The following LRRC20 variants were observed in gnomAD, a reference collection of about 807,000 sequenced individuals.
LRRC20 encodes leucine-rich repeat-containing protein 20.
A neutral mutation model predicts 14.4 loss-of-function variants in LRRC20; 11 were observed. The observed-to-expected ratio is 0.77, with a 90% CI of 0.48 to 1.27. The LOEUF is 1.27. LRRC20 is among the 50% of genes most tolerant of loss of function. The probability of loss-of-function intolerance (pLI) is 0.00; values close to 1 mark genes in which losing one functional copy is unlikely to be tolerated. For synonymous variants in LRRC20, 121 were observed against 107.3 expected (o/e 1.13, Z -0.79); for missense variants, 219 against 251.2 (o/e 0.87, Z 0.87).
intron 2 of LRRC20, among the ~76,000 whole-genome samples, chr10:70,359,684 C>G (rs1204996483): frequency 6.6e-6 from 1 of 152,224 alleles, no homozygotes; most frequent in Non-Finnish European, 1.5e-5. Context: ...TCTGGCCAAG[C>G]CAGGCTGCTT....
intron 4 of LRRC20, among the ~76,000 whole-genome samples, chr10:70,322,199 C>G (rs560286611): frequency 1.3e-5 from 2 of 152,184 alleles, no homozygotes; most frequent in Non-Finnish European, 2.9e-5. Flanking sequence ...GATGAGAGGG[C>G]GCTGAGATTC....
chr10:70,375,338 C>T (rs192256390), intron 2 of LRRC20, among the ~76,000 whole-genome samples: 49 of 152,262 alleles, frequency 3.2e-4, no homozygotes, highest in African/African-American at 1.1e-3. Context: ...ACCACAGGGT[C>T]CCTGTGCTCT....
intron 2 of LRRC20, among the ~76,000 whole-genome samples, chr10:70,346,662 TA>T (rs1267234897): frequency 2.0e-5 from 3 of 152,146 alleles, no homozygotes; most frequent in African/African-American, 7.2e-5. Context: ...CAACTAGGTA[TA>T]AAAGGATACA....
chr10:70,309,805 T>TG (rs35512351), intron 4 of LRRC20, among the ~76,000 whole-genome samples: 56 of 152,306 alleles, frequency 3.7e-4, no homozygotes, highest in Non-Finnish European at 5.0e-4. Context: ...CTTCTGAGGA[T>TG]GGGGGGGTCC....
chr10:70,362,526 G>A (rs1843774494), intron 2 of LRRC20, among the ~76,000 whole-genome samples: 3 of 152,214 alleles, frequency 2.0e-5, no homozygotes, highest in African/African-American at 7.2e-5. Context: ...GATGAGAACT[G>A]GGCCCTGCAA....
At chr10:70,308,351 G>C (rs1234560600) in intron 4 of LRRC20, among the ~76,000 whole-genome samples, 5 of 152,162 alleles carry the variant, frequency 3.3e-5, no homozygotes, top group Non-Finnish European at 7.4e-5. Context: ...CTGACACCGA[G>C]ACGGAGAAGA....
At chr10:70,350,083 T>C (rs1843241575) in intron 2 of LRRC20, among the ~76,000 whole-genome samples, 1 of 152,236 alleles carries the variant, frequency 6.6e-6, no homozygotes, top group African/African-American at 2.4e-5. Flanking sequence ...CCATGCTGCA[T>C]GAATGCTCAG....
chr10:70,376,103 A>C (rs1413807059), intron 2 of LRRC20, among the ~76,000 whole-genome samples: 1 of 152,134 alleles, frequency 6.6e-6, no homozygotes, highest in Non-Finnish European at 1.5e-5. Flanking sequence ...AGATTCAACA[A>C]GATAACATTC....
chr10:70,301,211 G>A lies in LRRC20; in HGVS notation c.*143C>T, dbSNP rs1480753284. ...ACTACTGCTGTAAGCTATCTATCCA[G>A]ACCAGCTGCACCCCACCCACCACGT... On this transcript the variant is annotated 3_prime_UTR_variant, in exon 5 of 5. Coordinates refer to ENST00000446961, the MANE Select transcript of LRRC20 (RefSeq NM_001278212.2). 3.5e-6 allele frequency: 5 copies of A among 1,438,334 alleles called. No individual in the cohort carries two copies. Among genetic ancestry groups the A allele is most frequent in the Admixed American group, 2.8e-5 (1 of 36,178 alleles). The allele number at this position is 1,438,334 out of a possible 1,614,324, so 89.1% of individuals were successfully genotyped here. A position where few individuals can be genotyped will look rare whatever the true frequency, so the allele number is the denominator to read the frequency against.
At chr10:70,348,138 T>A (rs1843149058) in intron 2 of LRRC20, among the ~76,000 whole-genome samples, 1 of 151,970 alleles carries the variant, frequency 6.6e-6, no homozygotes, top group South Asian at 2.1e-4. Flanking sequence ...ATGAGAGGGG[T>A]GCACCACCAA....
intron 4 of LRRC20, among the ~76,000 whole-genome samples, chr10:70,323,287 G>A (rs1322270102): frequency 6.6e-6 from 1 of 152,120 alleles, no homozygotes; most frequent in East Asian, 1.9e-4. Context: ...AGGAAGGAGA[G>A]ACCGCTTCCT....
At chr10:70,343,654 C>G (rs565154521) in intron 2 of LRRC20, among the ~76,000 whole-genome samples, 8 of 152,308 alleles carry the variant, frequency 5.3e-5, no homozygotes, top group Non-Finnish European at 1.2e-4. Context: ...TTTGGGGCAA[C>G]CTGGGGATTC....
At chr10:70,359,377 T>G (rs541228261) in intron 2 of LRRC20, among the ~76,000 whole-genome samples, 78 of 152,236 alleles carry the variant, frequency 5.1e-4, no homozygotes, top group Non-Finnish European at 4.4e-5. Context: ...GACAACATAG[T>G]GAGACTCCGT....
At chr10:70,303,121 A>G (rs1350954369) in intron 4 of LRRC20, among the ~76,000 whole-genome samples, 1 of 152,262 alleles carries the variant, frequency 6.6e-6, no homozygotes. Flanking sequence ...TGCATATATT[A>G]AATGGGTGAA....
chr10:70,335,387 C>T (rs1842693891), intron 3 of LRRC20, among the ~76,000 whole-genome samples: 1 of 152,186 alleles, frequency 6.6e-6, no homozygotes. Context: ...CCTCCCAGTC[C>T]GCCCGCCCGC....
chr10:70,367,359 GA>G (rs1844054500), intron 2 of LRRC20, among the ~76,000 whole-genome samples: 3 of 145,236 alleles, frequency 2.1e-5, no homozygotes, highest in Admixed American at 6.9e-5. Flanking sequence ...AAAAGAAAAA[GA>G]AAAAGAAAAA....
chr10:70,310,478 C>T (rs896554076), intron 4 of LRRC20, among the ~76,000 whole-genome samples: 4 of 152,282 alleles, frequency 2.6e-5, no homozygotes, highest in South Asian at 2.1e-4. Context: ...AGCTCAAGGG[C>T]GGCTTCCTTT....
chr10:70,358,118 C>A (rs1843598398), intron 2 of LRRC20, among the ~76,000 whole-genome samples: 1 of 152,336 alleles, frequency 6.6e-6, no homozygotes, highest in Middle Eastern at 3.4e-3. Context: ...GTCCAGAAAC[C>A]CGGATCTGCT....
chr10:70,323,136 G>A (rs2136946021), intron 4 of LRRC20, among the ~76,000 whole-genome samples: 1 of 152,218 alleles, frequency 6.6e-6, no homozygotes, highest in Admixed American at 6.5e-5. Flanking sequence ...CTGAGCCACT[G>A]AAGGAGGGTG....
Sources: gnomAD v4.1 joint callset for allele counts (sites outside exome capture counted in the v4.1 genomes callset) on GRCh38, gnomAD v4.1.1 for gene constraint, MANE v1.5 for transcripts, NCBI Gene and HGNC (gene_info 2026-07-23, HGNC 2026-07-21) for gene names.